The following MCMDC2 variants were observed in gnomAD, a reference collection of about 807,000 sequenced individuals.
The protein encoded by MCMDC2 is minichromosome maintenance domain-containing protein 2.
Under a neutral mutation model 75.8 loss-of-function variants are expected in MCMDC2, and 54 were observed. The observed-to-expected ratio is 0.71, with a 90% CI of 0.57 to 0.89. MCMDC2 has a LOEUF of 0.89. Among genes scored for constraint, MCMDC2 ranks in the 40% least tolerant of loss-of-function variants. The pLI, the probability that MCMDC2 is intolerant of heterozygous loss-of-function variation, is 0.00. For missense variants in MCMDC2, 656 were observed against 780.4 expected (o/e 0.84, Z 1.90); for synonymous variants, 249 against 274.6 (o/e 0.91, Z 0.92).
intron 12 of MCMDC2, among the ~76,000 whole-genome samples, chr8:66,898,890 C>T (rs549316745): frequency 2.6e-5 from 4 of 152,122 alleles, no homozygotes; most frequent in East Asian, 1.9e-4. Flanking sequence ...ACATGGAAAA[C>T]GATAAGACCA....
In MCMDC2 at chr8:66,880,908, T is replaced by A. The variant is rs776022438; in HGVS notation, c.769T>A (p.Cys257Ser). 1 of 1,569,742 alleles carries A rather than the reference T, an allele frequency of 6.4e-7. No individual in the cohort carries two copies. ...NEYKIIGIPT[C>S]VKTSQTAVCI... is the part of the protein sequence containing the mutation. ...ATATAAAATTATTGGAATTCCAACC[T>A]GTGTAAAAACCTCACAAACTGCTGT... is the stretch of plus-strand genomic sequence containing the variant. The change falls in exon 8 of 15, where the codon TGT becomes AGT. Residue 257 changes from cysteine to serine, a missense_variant. Physicochemically the swap from Cys to Ser is moderately radical, Grantham distance 112. Transcript: ENST00000422365.
intron 8 of MCMDC2, among the ~76,000 whole-genome samples, chr8:66,881,358 G>T (rs1347676513): frequency 6.6e-6 from 1 of 152,146 alleles, no homozygotes; most frequent in Non-Finnish European, 1.5e-5. Context: ...GGCAATTCTG[G>T]GTTAACTTTT....
intron 11 of MCMDC2, among the ~76,000 whole-genome samples, 184 bp downstream of exon 11, chr8:66,896,520 A>G (rs1279434809): frequency 6.6e-6 from 1 of 152,166 alleles, no homozygotes; most frequent in Non-Finnish European, 1.5e-5. Context: ...ATATCTGCTC[A>G]CTGGAAATTA....
chr8:66,876,875 C>T (rs935122636), intron 4 of MCMDC2, among the ~76,000 whole-genome samples: 3 of 152,108 alleles, frequency 2.0e-5, no homozygotes, highest in Admixed American at 6.5e-5. Flanking sequence ...ATTCTCCTGC[C>T]TTAGCCTCCC....
At chr8:66,894,704 T>C (rs1812261247) in intron 10 of MCMDC2, among the ~76,000 whole-genome samples, 1 of 152,222 alleles carries the variant, frequency 6.6e-6, no homozygotes, top group Non-Finnish European at 1.5e-5. Flanking sequence ...TTTTTCTTTA[T>C]TTAGAATGGC....
At position 66,870,851 on chromosome 8, in the gene MCMDC2, G is replaced by T. The variant is rs1421995744; in HGVS notation, c.-89+20G>T. 1 of 152,294 alleles carries T rather than the reference G, an allele frequency of 6.6e-6. No individual in the cohort carries two copies. The highest frequency in any genetic ancestry group is 1.5e-5 in the Non-Finnish European group (1 of 68,098). 9.4% of individuals were successfully genotyped at this position (152,294 alleles called of 1,614,324 possible). A position where few individuals can be genotyped will look rare whatever the true frequency, so the allele number is the denominator to read the frequency against. ...GTCAAGGTGAGTGCAAAGCACTACAGCGCTGGGGTCCCACTAACTCGAGGT... is the reference window on the plus strand; with the variant it reads ...GTCAAGGTGAGTGCAAAGCACTACATCGCTGGGGTCCCACTAACTCGAGGT... On this transcript the variant is annotated intron_variant, in intron 1 of 14. Transcript: ENST00000422365.
intron 14 of MCMDC2, 120 bp downstream of exon 14, chr8:66,905,455 A>C: frequency 1.1e-6 from 1 of 925,090 alleles, no homozygotes; most frequent in Non-Finnish European, 1.4e-6. Flanking sequence ...AGAATAACAA[A>C]TCTCTACCAG....
At chr8:66,902,711 A>AAAAAAAAAATATATATAT (rs1467425752) in intron 13 of MCMDC2, among the ~76,000 whole-genome samples, 1 of 67,914 alleles carries the variant, frequency 1.5e-5, no homozygotes, top group African/African-American at 7.3e-5. Flanking sequence ...AAAAAAAAAA[A>AAAAAAAAAATATATATAT]ATATATATAT....
At chr8:66,898,457 T>G (rs1023769934) in intron 12 of MCMDC2, among the ~76,000 whole-genome samples, 1 of 151,716 alleles carries the variant, frequency 6.6e-6, no homozygotes, top group Non-Finnish European at 1.5e-5. Flanking sequence ...TAACCCCGTC[T>G]CTACTAAAAA....
At chr8:66,918,539 C>G (rs931781089) in intron 14 of MCMDC2, among the ~76,000 whole-genome samples, 3 of 152,142 alleles carry the variant, frequency 2.0e-5, no homozygotes, top group Non-Finnish European at 4.4e-5. Flanking sequence ...GAGAAATGTA[C>G]TACAATGTCT....
intron 11 of MCMDC2, 35 bp downstream of exon 11, chr8:66,896,371 G>A: frequency 6.6e-7 from 1 of 1,524,522 alleles, no homozygotes; most frequent in Non-Finnish European, 8.8e-7. Flanking sequence ...TTAGAATGTT[G>A]TTCAAGGAAT....
chr8:66,882,634 AATTACAGGC>A (rs1309869011), intron 8 of MCMDC2, among the ~76,000 whole-genome samples: 1 of 152,110 alleles, frequency 6.6e-6, no homozygotes, highest in East Asian at 1.9e-4. Flanking sequence ...AAAGTGCTGG[AATTACAGGC>A]ATTAGCCACC....
chr8:66,908,380 C>A (rs545470155), intron 14 of MCMDC2, among the ~76,000 whole-genome samples: 105 of 152,132 alleles, frequency 6.9e-4, no homozygotes, highest in African/African-American at 2.3e-3. Context: ...TATCAATTTG[C>A]TTTATCTTTA....
intron 4 of MCMDC2, among the ~76,000 whole-genome samples, chr8:66,876,961 C>T (rs1402342924): frequency 6.6e-6 from 1 of 152,020 alleles, no homozygotes; most frequent in Non-Finnish European, 1.5e-5. Flanking sequence ...GGGGTTTCAC[C>T]ATGTTAGCCA....
chr8:66,883,871 G>A lies in MCMDC2; in HGVS notation c.950G>A (p.Gly317Glu), dbSNP rs1459675743. The A allele has an allele frequency of 2.5e-6, 4 of 1,613,760 alleles. No individual in the cohort carries two copies. In the South Asian group the frequency reaches 4.4e-5, roughly 18 times the overall value. Residue 317 changes from glycine (G) to glutamate (E), a missense_variant, in exon 9 of 15, where the codon GGG becomes GAG. Coordinates refer to ENST00000422365, the MANE Select transcript of MCMDC2 (RefSeq NM_173518.5). ...TTTGCATCACAAATTACCCCTCCTGGGACTTACAATTTGCTCAAGCTCTGT... is the reference window on the plus strand; with the variant it reads ...TTTGCATCACAAATTACCCCTCCTGAGACTTACAATTTGCTCAAGCTCTGT... Reference protein sequence around the residue: ...NIFASQITPPGTYNLLKLCLL... With the variant: ...NIFASQITPPETYNLLKLCLL...
intron 1 of MCMDC2, 26 bp downstream of exon 1, chr8:66,870,857 G>A (rs1426268379): frequency 6.6e-6 from 1 of 152,324 alleles, no homozygotes; most frequent in African/African-American, 2.4e-5. Flanking sequence ...TACAGCGCTG[G>A]GGTCCCACTA....
chr8:66,913,962 T>TAAAAAAAAAAA (rs961586876), intron 14 of MCMDC2, among the ~76,000 whole-genome samples: 1 of 78,588 alleles, frequency 1.3e-5, no homozygotes, highest in Non-Finnish European at 2.4e-5. Context: ...AGACTCTGTC[T>TAAAAAAAAAAA]AAAAAAAAAA....
At chr8:66,904,296 A>C (rs1208081650) in intron 13 of MCMDC2, among the ~76,000 whole-genome samples, 1 of 152,152 alleles carries the variant, frequency 6.6e-6, no homozygotes, top group Non-Finnish European at 1.5e-5. Context: ...AACTAGAAAT[A>C]TTTAACTTGG....
Position 66,901,577 on chromosome 8 carries a change from G to A in MCMDC2, c.1769+229G>A, listed in dbSNP as rs550033145. 260 of 1,203,300 alleles carry A rather than the reference G, an allele frequency of 2.2e-4. 1 individual carries two copies. Among genetic ancestry groups the A allele is most frequent in the Admixed American group, 2.2e-4 (5 of 22,860 alleles). 74.5% of individuals were successfully genotyped at this position (1,203,300 alleles called of 1,614,324 possible). A position where few individuals can be genotyped will look rare whatever the true frequency, so the allele number is the denominator to read the frequency against. ...TTTACTAAACTGATTTTTATTGGAT[G>A]CCATATGAGATATGTCTGGGAAAAG... On this transcript the variant is annotated intron_variant, in intron 13 of 14. Transcript: ENST00000422365.
Sources: gnomAD v4.1 joint callset for allele counts (sites outside exome capture counted in the v4.1 genomes callset) on GRCh38, gnomAD v4.1.1 for gene constraint, MANE v1.5 for transcripts, NCBI Gene and HGNC (gene_info 2026-07-23, HGNC 2026-07-21) for gene names.